Variants in PRDX4 observed in about 807,000 individuals in gnomAD.
PRDX4 encodes the protein peroxiredoxin 4.
In PRDX4, 12 loss-of-function variants were observed where a neutral mutation model predicts 20.5. The ratio of observed to expected loss-of-function variants is 0.58; its 90% CI spans 0.37 to 0.95. The LOEUF (loss-of-function observed/expected upper bound fraction) is 0.95. PRDX4 is among the 40% of genes least tolerant of loss of function. PRDX4 has a pLI of 0.01. For missense variants in PRDX4, 180 were observed against 207.3 expected, an observed-to-expected ratio of 0.87 and a Z score of 0.81; for synonymous variants, 99 against 87.5, an observed-to-expected ratio of 1.13 and a Z score of -0.73.
At chrX:23,674,556 A>G (rs1211371165) in intron 2 of PRDX4, among the ~76,000 whole-genome samples, 1 of 106,717 alleles carries the variant, frequency 9.4e-6, no homozygotes, top group Non-Finnish European at 1.9e-5. Context: ...TCCAAAATAC[A>G]CATAGATGCA....
intron 6 of PRDX4, among the ~76,000 whole-genome samples, chrX:23,684,828 A>G (rs1377536208): frequency 8.9e-6 from 1 of 111,753 alleles, no homozygotes; most frequent in East Asian, 2.8e-4. Flanking sequence ...GAAAGCATTT[A>G]TTACCACAAC....
chrX:23,683,772 C>T (rs1714768649), intron 6 of PRDX4, 67 bp downstream of exon 6: 6 of 982,466 alleles, frequency 6.1e-6, no homozygotes, highest in Admixed American at 2.5e-5. Context: ...TGGCCGGGCG[C>T]AGTGGCTCAC....
In PRDX4 at chrX:23,682,471, G is replaced by T; in HGVS notation, c.675G>T (p.Val225=). The change falls in exon 5 of 7, where the codon GTG becomes GTT. Residue 225 remains valine, a synonymous_variant. Coordinates refer to ENST00000379341, the MANE Select transcript of PRDX4 (RefSeq NM_006406.2). ...ATGATCTTCCTGTGGGTAGATCAGTGGATGAGACACTACGTTTGGTTCAAG... is the reference window on the plus strand; with the variant it reads ...ATGATCTTCCTGTGGGTAGATCAGTTGATGAGACACTACGTTTGGTTCAAG... The part of the protein sequence containing the change: ...TLNDLPVGRS[V]DETLRLVQAF... 8.5e-7 allele frequency: 1 copy of T among 1,182,217 alleles called. No homozygotes were observed. Among genetic ancestry groups the T allele is most frequent in the South Asian group, 1.8e-5 (1 of 54,507 alleles).
intron 5 of PRDX4, among the ~76,000 whole-genome samples, chrX:23,683,298 T>C (rs914005422): frequency 4.5e-5 from 5 of 111,833 alleles, no homozygotes; most frequent in African/African-American, 9.7e-5. Context: ...TACTGAAGTA[T>C]ACATGGCAAA....
chrX:23,672,773 T>A (rs1205630603), intron 2 of PRDX4, among the ~76,000 whole-genome samples: 1 of 111,616 alleles, frequency 9.0e-6, no homozygotes, highest in Non-Finnish European at 1.9e-5. Context: ...AGGGTATACT[T>A]AAGCTCATTG....
intron 6 of PRDX4, chrX:23,685,997 A>C (rs767184140): frequency 1.3e-5 from 5 of 398,089 alleles, no homozygotes; most frequent in Non-Finnish European, 2.4e-5. Context: ...GTTTGACTTA[A>C]TTAGATCAAA....
chrX:23,684,497 G>A (rs557255065), intron 6 of PRDX4, among the ~76,000 whole-genome samples: 2 of 110,867 alleles, frequency 1.8e-5, no homozygotes, highest in African/African-American at 6.5e-5. Flanking sequence ...TTAGGAGGCT[G>A]TATAATTTTT....
At chrX:23,674,897 A>C in intron 2 of PRDX4, 93 bp from the exon 3 acceptor site, 1 of 1,076,806 alleles carries the variant, frequency 9.3e-7, no homozygotes, top group Non-Finnish European at 1.2e-6. Context: ...GTGCATTTTT[A>C]TTATTAAAGG....
intron 1 of PRDX4, among the ~76,000 whole-genome samples, chrX:23,670,352 G>C (rs1227150117): frequency 8.9e-6 from 1 of 111,759 alleles, no homozygotes; most frequent in East Asian, 2.8e-4. Context: ...CTCTTCTGCT[G>C]TCTATTTCTC....
chrX:23,681,792 G>A (rs1928074296), intron 4 of PRDX4, among the ~76,000 whole-genome samples: 1 of 112,263 alleles, frequency 8.9e-6, no homozygotes, highest in African/African-American at 3.2e-5. Flanking sequence ...TGTAATCCCA[G>A]CACTTTGGGA....
At chrX:23,675,552 A>G (rs746252661) in intron 3 of PRDX4, 9 of 119,955 alleles carry the variant, frequency 7.5e-5, no homozygotes, top group Non-Finnish European at 1.4e-4. Flanking sequence ...AATGTTTAAA[A>G]ATTCATTAAT....
intron 2 of PRDX4, 133 bp from the exon 3 acceptor site, chrX:23,674,856 GA>G: frequency 1.1e-6 from 1 of 891,041 alleles, no homozygotes; most frequent in East Asian, 3.4e-5. Flanking sequence ...ACTCCATTTT[GA>G]AAAGGTTCAA....
At chrX:23,682,660 A>C (rs1464170704) in intron 5 of PRDX4, 134 bp downstream of exon 5, 4 of 435,975 alleles carry the variant, frequency 9.2e-6, no homozygotes, top group Non-Finnish European at 9.6e-6. Flanking sequence ...TCCTTTTAAC[A>C]GACCAAATTA....
At chrX:23,672,908 A>T (rs1927874518) in intron 2 of PRDX4, among the ~76,000 whole-genome samples, 1 of 112,229 alleles carries the variant, frequency 8.9e-6, no homozygotes, top group Non-Finnish European at 1.9e-5. Flanking sequence ...TTACATTGAG[A>T]CTAAAGTTAT....
chrX:23,684,457 GAA>G (rs1476928992), intron 6 of PRDX4, among the ~76,000 whole-genome samples: 1 of 111,327 alleles, frequency 9.0e-6, no homozygotes, highest in Non-Finnish European at 1.9e-5. Flanking sequence ...CATGAAGAAA[GAA>G]AAGATTGAAA....
intron 2 of PRDX4, 117 bp from the exon 3 acceptor site, chrX:23,674,873 A>G: frequency 1.0e-6 from 1 of 976,681 alleles, no homozygotes; most frequent in Non-Finnish European, 1.4e-6. Context: ...TTCAAATATA[A>G]AATTGTTCTT....
chrX:23,678,121 G>C (rs5970774), intron 3 of PRDX4, among the ~76,000 whole-genome samples: 1 of 109,756 alleles, frequency 9.1e-6, no homozygotes, highest in African/African-American at 3.3e-5. Flanking sequence ...ACGAAAAATA[G>C]CTGGGCGTGG....
chrX:23,674,067 C>T (rs1265891285), intron 2 of PRDX4, among the ~76,000 whole-genome samples: 1 of 110,965 alleles, frequency 9.0e-6, no homozygotes, highest in Non-Finnish European at 1.9e-5. Context: ...CTGGATGCAC[C>T]AGCACAGCCA....
chrX:23,670,643 G>C (rs777227830), intron 1 of PRDX4, among the ~76,000 whole-genome samples: 9 of 112,236 alleles, frequency 8.0e-5, no homozygotes, highest in Non-Finnish European at 1.5e-4. Context: ...AGGTGCATTA[G>C]TATCTAAGTG....
Sources: allele counts gnomAD v4.1 joint callset (sites outside exome capture counted in the v4.1 genomes callset), GRCh38; gene constraint gnomAD v4.1.1; transcripts MANE v1.5; gene names NCBI Gene and HGNC (gene_info 2026-07-23, HGNC 2026-07-21).